NOVA1: variants seen among roughly 807,000 people sequenced by gnomAD.
The protein encoded by NOVA1 is NOVA alternative splicing regulator 1.
NOVA1 carries 7 observed loss-of-function variants against 38.0 expected under a neutral mutation model. The observed-to-expected ratio is 0.18, with a 90% CI of 0.10 to 0.35. The LOEUF is 0.35. Ranked by LOEUF, NOVA1 falls within the 10% of genes least tolerant of loss-of-function variation. The pLI is 1.00. For missense variants in NOVA1, 460 were observed against 616.0 expected (o/e 0.75, Z 2.68); for synonymous variants, 270 against 232.5 (o/e 1.16, Z -1.47).
intron 4 of NOVA1, among the ~76,000 whole-genome samples, chr14:26,467,473 G>T (rs1279477631): frequency 6.6e-6 from 1 of 152,162 alleles, no homozygotes; most frequent in Non-Finnish European, 1.5e-5. Context: ...ATAATACTTT[G>T]TAAGTTTTAC....
chr14:26,511,719 T>C (rs1268336521), intron 2 of NOVA1, among the ~76,000 whole-genome samples: 1 of 151,436 alleles, frequency 6.6e-6, no homozygotes, highest in African/African-American at 2.4e-5. Flanking sequence ...GCCACTGCAC[T>C]CCAGCCTGGT....
chr14:26,518,283 T>A (rs1343685041), intron 2 of NOVA1, among the ~76,000 whole-genome samples: 1 of 152,036 alleles, frequency 6.6e-6, no homozygotes, highest in Non-Finnish European at 1.5e-5. Flanking sequence ...TTTCCATAGT[T>A]TTCTATGTTA....
intron 2 of NOVA1, among the ~76,000 whole-genome samples, chr14:26,484,753 C>A (rs1191526089): frequency 6.6e-6 from 1 of 152,088 alleles, no homozygotes; most frequent in East Asian, 1.9e-4. Context: ...ATGTTGTTTG[C>A]CTCGTCAGCA....
At chr14:26,567,318 C>T (rs139095671) in intron 2 of NOVA1, among the ~76,000 whole-genome samples, 5,303 of 84,392 alleles carry the variant, frequency 0.063, 143 homozygotes, top group South Asian at 0.13. Context: ...TTTTTTGAGA[C>T]AGGGTTTTGC....
At chr14:26,506,449 G>T (rs1334441120) in intron 2 of NOVA1, among the ~76,000 whole-genome samples, 1 of 152,120 alleles carries the variant, frequency 6.6e-6, no homozygotes, top group Admixed American at 6.5e-5. Context: ...TCAAAGTAAG[G>T]CCACATTGCC....
intron 2 of NOVA1, among the ~76,000 whole-genome samples, chr14:26,515,797 G>C (rs1291571419): frequency 6.6e-6 from 1 of 151,982 alleles, no homozygotes; most frequent in East Asian, 1.9e-4. Context: ...AAATATTTTA[G>C]AATGCCTATA....
At chr14:26,472,282 G>T (rs369041166) in intron 4 of NOVA1, 38 bp downstream of exon 4, 6 of 1,295,938 alleles carry the variant, frequency 4.6e-6, no homozygotes, top group Non-Finnish European at 5.6e-6. Flanking sequence ...GCAATCACCC[G>T]TGAAAAGTAT....
At chr14:26,585,807 T>TCC (rs199818222) in intron 2 of NOVA1, among the ~76,000 whole-genome samples, 2 of 12,524 alleles carry the variant, frequency 1.6e-4, no homozygotes, top group African/African-American at 2.9e-4. Context: ...AACGCAAAAT[T>TCC]CCCGTCATAC....
intron 2 of NOVA1, among the ~76,000 whole-genome samples, chr14:26,577,380 T>C (rs1044948047): frequency 2.0e-5 from 3 of 152,082 alleles, no homozygotes; most frequent in Non-Finnish European, 2.9e-5. Flanking sequence ...CCCAGTGAAT[T>C]ATCTTTGAAA....
chr14:26,465,367 C>T (rs754197045), intron 4 of NOVA1, among the ~76,000 whole-genome samples: 1 of 152,080 alleles, frequency 6.6e-6, no homozygotes, highest in Non-Finnish European at 1.5e-5. Context: ...TAGAAGGTTT[C>T]ACCATGTTGG....
chr14:26,592,990 C>G (rs1893952600), intron 2 of NOVA1: 1 of 151,704 alleles, frequency 6.6e-6, no homozygotes, highest in Admixed American at 6.6e-5. Flanking sequence ...CCCAAATATG[C>G]TCTTACCAAA....
At chr14:26,594,226 ATAC>A (rs1308686894) in intron 2 of NOVA1, 4 of 152,020 alleles carry the variant, frequency 2.6e-5, no homozygotes, top group African/African-American at 4.8e-5. Context: ...TTTACAAAAA[ATAC>A]TACATTTAAT....
intron 2 of NOVA1, among the ~76,000 whole-genome samples, chr14:26,576,481 A>G (rs1391339734): frequency 6.6e-6 from 1 of 151,826 alleles, no homozygotes; most frequent in Non-Finnish European, 1.5e-5. Context: ...GACCATTTTG[A>G]TAATACATTT....
intron 2 of NOVA1, among the ~76,000 whole-genome samples, chr14:26,539,733 A>C (rs1890335460): frequency 6.6e-6 from 1 of 151,592 alleles, no homozygotes; most frequent in African/African-American, 2.4e-5. Flanking sequence ...GACAACTCAA[A>C]TAATTTAACT....
intron 2 of NOVA1, among the ~76,000 whole-genome samples, chr14:26,491,439 T>C (rs936525386): frequency 6.6e-6 from 1 of 152,232 alleles, no homozygotes; most frequent in Non-Finnish European, 1.5e-5. Flanking sequence ...TAATGTCCTT[T>C]GATGCACAGA....
intron 4 of NOVA1, among the ~76,000 whole-genome samples, chr14:26,455,965 G>A (rs981642726): frequency 6.6e-6 from 1 of 151,896 alleles, no homozygotes; most frequent in Non-Finnish European, 1.5e-5. Context: ...AGGTTATACT[G>A]ATGAAAGGCT....
intron 1 of NOVA1, chr14:26,596,825 G>A: frequency 8.9e-7 from 1 of 1,125,104 alleles, no homozygotes; most frequent in South Asian, 1.9e-5. Context: ...AAAGCAAGAG[G>A]ATGGAGAGAG....
chr14:26,585,722 T>C (rs970923892), intron 2 of NOVA1, among the ~76,000 whole-genome samples: 1 of 151,286 alleles, frequency 6.6e-6, no homozygotes, highest in African/African-American at 2.4e-5. Flanking sequence ...TGGTCTTCAT[T>C]TCAGAGGTGG....
chr14:26,531,188 G>A (rs900337366), intron 2 of NOVA1, among the ~76,000 whole-genome samples: 3 of 152,188 alleles, frequency 2.0e-5, no homozygotes, highest in Non-Finnish European at 4.4e-5. Context: ...TCTGTCAAAT[G>A]TGTGATGATA....
Sources: gnomAD v4.1 joint callset for allele counts (sites outside exome capture counted in the v4.1 genomes callset) on GRCh38, gnomAD v4.1.1 for gene constraint, MANE v1.5 for transcripts, NCBI Gene and HGNC (gene_info 2026-07-23, HGNC 2026-07-21) for gene names.